Variants in MAN1A2 observed in about 807,000 individuals in gnomAD.
The protein encoded by MAN1A2 is mannosyl-oligosaccharide 1,2-alpha-mannosidase IB.
Under a neutral mutation model 75.7 loss-of-function variants are expected in MAN1A2, and 26 were observed. The observed-to-expected ratio is 0.34, with a 90% CI of 0.25 to 0.48. The LOEUF (loss-of-function observed/expected upper bound fraction) is 0.48. MAN1A2 is among the 20% of genes least tolerant of loss of function. The probability of loss-of-function intolerance (pLI) is 0.99; values close to 1 mark genes in which losing one functional copy is unlikely to be tolerated. For synonymous variants in MAN1A2, 247 were observed against 264.6 expected (o/e 0.93, Z 0.65); for missense variants, 562 against 775.5 (o/e 0.72, Z 3.27).
intron 2 of MAN1A2, among the ~76,000 whole-genome samples, 196 bp from the exon 3 acceptor site, chr1:117,405,353 T>G (rs1647581371): frequency 6.6e-6 from 1 of 152,160 alleles, no homozygotes; most frequent in Non-Finnish European, 1.5e-5. Context: ...TTATGCCCAT[T>G]TTTTTCCTGT....
At chr1:117,448,506 T>C (rs1649309185) in intron 6 of MAN1A2, among the ~76,000 whole-genome samples, 1 of 152,012 alleles carries the variant, frequency 6.6e-6, no homozygotes, top group Non-Finnish European at 1.5e-5. Context: ...ATGTGAAGAA[T>C]GAGAAAAGAG....
intron 12 of MAN1A2, chr1:117,515,881 C>T (rs866398768): frequency 1.1e-4 from 16 of 151,994 alleles, no homozygotes; most frequent in Admixed American, 7.2e-4. Context: ...TACTACTGAA[C>T]TATACGCTGA....
intron 6 of MAN1A2, among the ~76,000 whole-genome samples, chr1:117,451,884 A>G (rs1332619091): frequency 1.3e-5 from 2 of 152,154 alleles, no homozygotes; most frequent in Non-Finnish European, 2.9e-5. Flanking sequence ...GCTACTTGGG[A>G]AGCTAAGGTA....
Position 117,466,314 on chromosome 1 carries a change from CTTAATT to C in MAN1A2, c.1075-16_1075-11del, listed in dbSNP as rs1649980941. ...GACACTTATTTTTATTAATTGCATT[CTTAATT>C]TTATTTTACTCAGGTTATGCACATT... On this transcript the variant is annotated splice_polypyrimidine_tract_variant and intron_variant, in intron 7 of 12. Transcript: ENST00000356554. 1 of 1,504,822 alleles carries C rather than the reference CTTAATT, an allele frequency of 6.6e-7. No homozygotes were observed. Among genetic ancestry groups the C allele is most frequent in the East Asian group, 2.3e-5 (1 of 43,828 alleles). The allele number at this position is 1,504,822 out of a possible 1,614,324, so 93.2% of individuals were successfully genotyped here.
chr1:117,422,219 G>A (rs964630488), intron 5 of MAN1A2, among the ~76,000 whole-genome samples: 4 of 152,022 alleles, frequency 2.6e-5, no homozygotes, highest in African/African-American at 9.7e-5. Context: ...CCCATTGCCA[G>A]CCCCTGATAA....
intron 8 of MAN1A2, among the ~76,000 whole-genome samples, chr1:117,480,626 AT>A (rs774986120): frequency 1.3e-5 from 2 of 151,584 alleles, no homozygotes; most frequent in African/African-American, 4.8e-5. Flanking sequence ...ATGCTGCCTC[AT>A]TTTTTTACTC....
intron 6 of MAN1A2, among the ~76,000 whole-genome samples, chr1:117,452,152 C>T (rs1344465428): frequency 6.6e-6 from 1 of 151,266 alleles, no homozygotes; most frequent in Non-Finnish European, 1.5e-5. Flanking sequence ...ACTAAAAATA[C>T]AGAAACTCGC....
chr1:117,487,340 T>C (rs896677857), intron 8 of MAN1A2, among the ~76,000 whole-genome samples: 1 of 151,634 alleles, frequency 6.6e-6, no homozygotes, highest in Admixed American at 6.6e-5. Context: ...AATGACCAGA[T>C]TGGGAGGAAG....
Position 117,490,768 on chromosome 1 carries a change from C to G in MAN1A2, c.1169-2379C>G, listed in dbSNP as rs144653258. Reference sequence around the variant, plus strand: ...AGATTGTGAAAGGAAAGGAAAAGTTCTTGAAGGAAATTAAAAATGCTATGC... The same window carrying G: ...AGATTGTGAAAGGAAAGGAAAAGTTGTTGAAGGAAATTAAAAATGCTATGC... On this transcript the variant is annotated intron_variant, in intron 8 of 12. Coordinates refer to ENST00000356554, the MANE Select transcript of MAN1A2 (RefSeq NM_006699.5). 3.0e-4 allele frequency among the ~76,000 whole-genome samples: 46 copies of G among 152,142 alleles called. 1 individual carries two copies. Among genetic ancestry groups the G allele is most frequent in the South Asian group, 2.1e-3 (10 of 4,826 alleles).
chr1:117,475,981 A>G (rs1025802805), intron 8 of MAN1A2, among the ~76,000 whole-genome samples: 3 of 152,158 alleles, frequency 2.0e-5, no homozygotes, highest in African/African-American at 7.2e-5. Context: ...ACTTCCACCA[A>G]CAATGTAAAA....
In MAN1A2 at chr1:117,499,414, G is replaced by A; in HGVS notation, c.1537G>A (p.Asp513Asn). The change falls in exon 11 of 13, where the codon GAT (aspartate) becomes AAT (asparagine). Residue 513 changes from aspartate (D) to asparagine (N), a missense_variant. By Grantham distance (23) the Asp-to-Asn change is conservative. Transcript: ENST00000356554. ...GCTAGGTCCTGAATCATTCAAGTTTGATGGTGCAGTGGAGGCTGTGGCTGT... is the reference window on the plus strand; with the variant it reads ...GCTAGGTCCTGAATCATTCAAGTTTAATGGTGCAGTGGAGGCTGTGGCTGT... Reference protein sequence around the residue: ...LKLGPESFKFDGAVEAVAVRQ... With the variant: ...LKLGPESFKFNGAVEAVAVRQ... 1 of 1,598,004 alleles carries A rather than the reference G, an allele frequency of 6.3e-7. No individual in the cohort carries two copies. Among genetic ancestry groups the A allele is most frequent in the Non-Finnish European group, 8.5e-7 (1 of 1,172,788 alleles).
chr1:117,418,497 G>A (rs1281196957), intron 4 of MAN1A2, among the ~76,000 whole-genome samples: 3 of 152,120 alleles, frequency 2.0e-5, no homozygotes, highest in African/African-American at 7.2e-5. Context: ...CAGTTCCCTT[G>A]TCTTTCCTGC....
At chr1:117,518,146 T>C (rs1200827874) in intron 12 of MAN1A2, among the ~76,000 whole-genome samples, 1 of 151,896 alleles carries the variant, frequency 6.6e-6, no homozygotes, top group East Asian at 1.9e-4. Flanking sequence ...AAACCTATTA[T>C]AAAGAAGCTC....
chr1:117,380,275 A>T (rs996115850), intron 1 of MAN1A2, among the ~76,000 whole-genome samples: 1 of 152,162 alleles, frequency 6.6e-6, no homozygotes, highest in African/African-American at 2.4e-5. Context: ...CTTGCAGACC[A>T]TTTGCATTTT....
chr1:117,475,837 A>G (rs774669478), intron 8 of MAN1A2, among the ~76,000 whole-genome samples: 4 of 152,040 alleles, frequency 2.6e-5, no homozygotes, highest in Admixed American at 1.3e-4. Context: ...GAGTGCATGC[A>G]TCTTTATAGT....
intron 8 of MAN1A2, 104 bp downstream of exon 8, chr1:117,466,531 G>A (rs546770916): frequency 1.5e-6 from 1 of 664,900 alleles, no homozygotes; most frequent in African/African-American, 1.9e-5. Flanking sequence ...GAAACCCTCA[G>A]TGTCTAACCT....
At chr1:117,511,631 A>C (rs774486147) in intron 12 of MAN1A2, among the ~76,000 whole-genome samples, 28 of 152,110 alleles carry the variant, frequency 1.8e-4, no homozygotes, top group Non-Finnish European at 3.8e-4. Flanking sequence ...TTAGTCTGTT[A>C]GGCAAGAAAA....
chr1:117,481,241 C>G (rs1306477205), intron 8 of MAN1A2, among the ~76,000 whole-genome samples: 1 of 151,710 alleles, frequency 6.6e-6, no homozygotes, highest in Non-Finnish European at 1.5e-5. Context: ...CCTCTCTCTA[C>G]TTCAACTGTT....
intron 12 of MAN1A2, among the ~76,000 whole-genome samples, chr1:117,520,298 A>G (rs912438443): frequency 3.3e-5 from 5 of 152,034 alleles, no homozygotes; most frequent in Admixed American, 1.3e-4. Context: ...CTCCTCTTCA[A>G]CTAGCACTGG....
Sources: allele counts gnomAD v4.1 joint callset (sites outside exome capture counted in the v4.1 genomes callset), GRCh38; gene constraint gnomAD v4.1.1; transcripts MANE v1.5; gene names NCBI Gene and HGNC (gene_info 2026-07-23, HGNC 2026-07-21).